Variants in NALF1 observed in about 807,000 individuals in gnomAD.
NALF1 encodes NALCN channel auxiliary factor 1.
A neutral mutation model predicts 48.4 loss-of-function variants in NALF1; 3 were observed. The observed-to-expected ratio is 0.06, with a 90% CI of 0.03 to 0.16. The LOEUF (loss-of-function observed/expected upper bound fraction) is 0.16, where lower values mean the gene tolerates loss of function less well. Ranked by LOEUF, NALF1 falls within the 10% of genes least tolerant of loss-of-function variation. The pLI is 1.00. For missense variants in NALF1, 526 were observed against 571.5 expected (o/e 0.92, Z 0.81); for synonymous variants, 262 against 245.7 (o/e 1.07, Z -0.62).
intron 1 of NALF1, among the ~76,000 whole-genome samples, chr13:107,389,550 T>C (rs1020506068): frequency 2.6e-5 from 4 of 152,160 alleles, no homozygotes; most frequent in Non-Finnish European, 5.9e-5. Context: ...CCTCCAGAAA[T>C]TTGAGACAAT....
chr13:107,296,080 T>C (rs968475501), intron 1 of NALF1, among the ~76,000 whole-genome samples: 1 of 152,210 alleles, frequency 6.6e-6, no homozygotes, highest in Non-Finnish European at 1.5e-5. Flanking sequence ...CTTGGCACTA[T>C]TTCCAATTTC....
At chr13:107,301,864 A>G (rs529534698) in intron 1 of NALF1, among the ~76,000 whole-genome samples, 2 of 152,176 alleles carry the variant, frequency 1.3e-5, no homozygotes, top group Admixed American at 6.5e-5. Flanking sequence ...GCTGTAAGAG[A>G]TCAACCCTAC....
At chr13:107,485,330 A>G (rs778175046) in intron 1 of NALF1, among the ~76,000 whole-genome samples, 2 of 152,102 alleles carry the variant, frequency 1.3e-5, no homozygotes, top group Non-Finnish European at 2.9e-5. Flanking sequence ...AGCCTCAGCA[A>G]CCTCAATACT....
intron 1 of NALF1, among the ~76,000 whole-genome samples, chr13:107,572,683 T>C (rs1489268888): frequency 6.6e-6 from 1 of 152,178 alleles, no homozygotes; most frequent in Non-Finnish European, 1.5e-5. Context: ...TTGAGTGAAC[T>C]AATTAGCAAA....
intron 1 of NALF1, among the ~76,000 whole-genome samples, chr13:107,270,700 CATGTGCACA>C (rs1881144283): frequency 6.6e-6 from 1 of 151,406 alleles, no homozygotes; most frequent in Non-Finnish European, 1.5e-5. Context: ...TTTTAGGGTC[CATGTGCACA>C]ATGTGCAGGT....
chr13:107,387,711 A>G (rs1304573067), intron 1 of NALF1, among the ~76,000 whole-genome samples: 2 of 152,238 alleles, frequency 1.3e-5, no homozygotes, highest in African/African-American at 2.4e-5. Flanking sequence ...TGCATGCAAG[A>G]GAAAAGTGCT....
At chr13:107,775,732 T>C (rs908687072) in intron 1 of NALF1, among the ~76,000 whole-genome samples, 1 of 152,194 alleles carries the variant, frequency 6.6e-6, no homozygotes, top group Non-Finnish European at 1.5e-5. Flanking sequence ...TTCCTGACTT[T>C]TTAATGATTG....
intron 1 of NALF1, among the ~76,000 whole-genome samples, chr13:107,677,505 C>T (rs1193065537): frequency 6.6e-6 from 1 of 152,100 alleles, no homozygotes; most frequent in Non-Finnish European, 1.5e-5. Context: ...ATCAATTATG[C>T]TGAGCACATT....
intron 1 of NALF1, among the ~76,000 whole-genome samples, chr13:107,395,878 A>G (rs1412070496): frequency 6.6e-6 from 1 of 152,034 alleles, no homozygotes; most frequent in Admixed American, 6.6e-5. Flanking sequence ...ATTAGAGACC[A>G]TCCTAATGAT....
intron 1 of NALF1, among the ~76,000 whole-genome samples, chr13:107,766,000 T>C (rs1594252221): frequency 7.5e-6 from 1 of 133,524 alleles, no homozygotes; most frequent in Non-Finnish European, 1.6e-5. Context: ...TTTAGCTGTT[T>C]CTGTTCCTTT....
rs76718303 is a variant in NALF1, at chr13:107,195,255, A to G, written c.1087+15329T>C. On this transcript the variant is annotated intron_variant, in intron 2 of 2. Coordinates refer to ENST00000375915, the MANE Select transcript of NALF1 (RefSeq NM_001080396.3). ...ACTTATCCATGTAACCAAAACCCAC[A>G]TGTACCCTAAAACTATTAAGATTAA... Among the ~76,000 whole-genome samples the G allele has an allele frequency of 1.8e-3, 280 of 152,274 alleles. 3 individuals are homozygous for G. The highest frequency in any genetic ancestry group is 0.01 in the Middle Eastern group (3 of 294).
intron 1 of NALF1, among the ~76,000 whole-genome samples, chr13:107,317,025 G>A (rs1317968605): frequency 2.0e-5 from 3 of 152,124 alleles, no homozygotes; most frequent in African/African-American, 7.2e-5. Flanking sequence ...TCTAGGAAAT[G>A]AGAAAAACTA....
intron 1 of NALF1, among the ~76,000 whole-genome samples, chr13:107,710,466 T>G (rs924300581): frequency 6.6e-6 from 1 of 151,172 alleles, no homozygotes; most frequent in African/African-American, 2.5e-5. Flanking sequence ...GGGTAATTTA[T>G]GAAGAAAAGA....
chr13:107,295,624 C>T (rs553749156), intron 1 of NALF1, among the ~76,000 whole-genome samples: 1 of 152,236 alleles, frequency 6.6e-6, no homozygotes, highest in South Asian at 2.1e-4. Flanking sequence ...AGGCTTCCCC[C>T]AAACATTAAA....
chr13:107,365,472 T>C (rs1439878718), intron 1 of NALF1, among the ~76,000 whole-genome samples: 5 of 152,154 alleles, frequency 3.3e-5, no homozygotes, highest in African/African-American at 1.2e-4. Context: ...ACTTTAGGGC[T>C]TTCTCTCTAA....
At chr13:107,248,957 C>T (rs976725916) in intron 1 of NALF1, among the ~76,000 whole-genome samples, 13 of 145,354 alleles carry the variant, frequency 8.9e-5, no homozygotes, top group Non-Finnish European at 1.9e-4. Flanking sequence ...TATTTGTACA[C>T]ACACATATAT....
intron 1 of NALF1, among the ~76,000 whole-genome samples, chr13:107,488,852 C>T (rs747864518): frequency 5.3e-5 from 8 of 152,030 alleles, no homozygotes; most frequent in Non-Finnish European, 8.8e-5. Flanking sequence ...TTGCAGATGA[C>T]AAAATTCTAT....
chr13:107,632,947 C>T (rs1879872814), intron 1 of NALF1, among the ~76,000 whole-genome samples: 1 of 147,590 alleles, frequency 6.8e-6, no homozygotes, highest in Admixed American at 6.9e-5. Flanking sequence ...GTGTGGATTT[C>T]ACTTGGTGCA....
rs947108283 is a variant in NALF1 at position 107,423,551 on chromosome 13, A to G, written c.916-212796T>C. On this transcript the variant is annotated intron_variant, in intron 1 of 2. Transcript: ENST00000375915. ...CTTACAAGCAGCAAATATTATTTCA[A>G]AAAGAGGAAAAAAAACTCGGGTTTC... 4.1e-4 allele frequency among the ~76,000 whole-genome samples: 63 copies of G among 152,200 alleles called. 2 individuals are homozygous for G. The highest frequency in any genetic ancestry group is 2.9e-5 in the Non-Finnish European group (2 of 68,034).
Sources: gnomAD v4.1 joint callset for allele counts (sites outside exome capture counted in the v4.1 genomes callset) on GRCh38, gnomAD v4.1.1 for gene constraint, MANE v1.5 for transcripts, NCBI Gene and HGNC (gene_info 2026-07-23, HGNC 2026-07-21) for gene names.